PHF20L1: variants seen among roughly 807,000 people sequenced by gnomAD.
PHF20L1 encodes the protein PHD finger protein 20 like 1, also known as PHD finger protein 20-like protein 1.
Under a neutral mutation model 125.5 loss-of-function variants are expected in PHF20L1, and 44 were observed. The ratio of observed to expected loss-of-function variants is 0.35; its 90% CI spans 0.28 to 0.45. The LOEUF (loss-of-function observed/expected upper bound fraction) is 0.45, where lower values mean the gene tolerates loss of function less well. Among genes scored for constraint, PHF20L1 ranks in the 20% least tolerant of loss-of-function variants. The probability of loss-of-function intolerance (pLI) is 1.00; values close to 1 mark genes in which losing one functional copy is unlikely to be tolerated. For synonymous variants in PHF20L1, 380 were observed against 403.1 expected (o/e 0.94, Z 0.69); for missense variants, 1,012 against 1,217.2 (o/e 0.83, Z 2.51).
At chr8:132,832,794 G>T (rs535732957) in intron 15 of PHF20L1, among the ~76,000 whole-genome samples, 1 of 152,086 alleles carries the variant, frequency 6.6e-6, no homozygotes, top group Non-Finnish European at 1.5e-5. Flanking sequence ...TCTTAACTCC[G>T]TAGATAATGC....
chr8:132,825,476 C>CGTGTTG (rs1353670143), intron 14 of PHF20L1, 105 bp downstream of exon 14: 1 of 879,672 alleles, frequency 1.1e-6, no homozygotes, highest in East Asian at 2.8e-5. Flanking sequence ...CCCCGTGTCC[C>CGTGTTG]GTGTTGAGAA....
chr8:132,824,142 C>G, intron 13 of PHF20L1, 82 bp downstream of exon 13: 2 of 801,782 alleles, frequency 2.5e-6, no homozygotes, highest in Non-Finnish European at 4.1e-6. Context: ...TTACTCTTTA[C>G]CAGTTAATGC....
In PHF20L1 at chr8:132,845,971, A is replaced by G. The variant is rs1563863621; in HGVS notation, c.*48A>G. ...GAATGTGGCTTTCTTCAGTCAAAGC[A>G]TTTTTATTATCCACGTGATGGCTAA... On this transcript the variant is annotated 3_prime_UTR_variant, in exon 21 of 21. Coordinates refer to ENST00000395386, the MANE Select transcript of PHF20L1 (RefSeq NM_016018.5). 1.4e-6 allele frequency: 2 copies of G among 1,474,752 alleles called. No homozygotes were observed. Among genetic ancestry groups the G allele is most frequent in the East Asian group, 2.3e-5 (1 of 43,464 alleles). The allele number at this position is 1,474,752 out of a possible 1,614,324, so 91.4% of individuals were successfully genotyped here.
intron 12 of PHF20L1, chr8:132,817,841 C>T (rs1462741937): frequency 4.2e-6 from 1 of 236,946 alleles, no homozygotes; most frequent in Non-Finnish European, 8.2e-6. Context: ...ATTATTAGAG[C>T]CAAGTATAGT....
At chr8:132,839,249 A>G (rs1837682822) in intron 17 of PHF20L1, 138 bp from the exon 18 acceptor site, 13 of 663,826 alleles carry the variant, frequency 2.0e-5, no homozygotes, top group Non-Finnish European at 3.5e-5. Flanking sequence ...GTTCCTCAGA[A>G]CGCTGTCTTA....
At chr8:132,834,964 T>C (rs1440513898) in intron 15 of PHF20L1, among the ~76,000 whole-genome samples, 1 of 152,040 alleles carries the variant, frequency 6.6e-6, no homozygotes, top group Non-Finnish European at 1.5e-5. Flanking sequence ...TTCAAAAACA[T>C]TGAATGAAGA....
At chr8:132,792,938 A>C (rs968656679) in intron 2 of PHF20L1, among the ~76,000 whole-genome samples, 1 of 145,058 alleles carries the variant, frequency 6.9e-6, no homozygotes, top group African/African-American at 2.5e-5. Flanking sequence ...ATAATTCCCT[A>C]GCTTATTTGA....
At chr8:132,781,986 A>T (rs1176490441) in intron 2 of PHF20L1, among the ~76,000 whole-genome samples, 3 of 152,168 alleles carry the variant, frequency 2.0e-5, no homozygotes, top group African/African-American at 7.2e-5. Context: ...TTTTCTTTTA[A>T]CTTTTTCAAT....
intron 15 of PHF20L1, 27 bp from the exon 16 acceptor site, chr8:132,836,513 T>C (rs1310283900): frequency 6.9e-7 from 1 of 1,440,084 alleles, no homozygotes; most frequent in East Asian, 2.3e-5. Context: ...AAAGTTGTTC[T>C]AAGTATACTT....
chr8:132,842,615 A>C lies in PHF20L1; in HGVS notation c.2488A>C (p.Thr830Pro). Residue 830 changes from threonine to proline, a missense_variant, in exon 19 of 21, where the codon ACA becomes CCA. Physicochemically the swap from Thr to Pro is conservative, Grantham distance 38. Around this residue, in one of 7 missense-constraint regions of PHF20L1, gnomAD observed 277 missense variants for 283.6 expected, o/e 0.98. Coordinates refer to ENST00000395386, the MANE Select transcript of PHF20L1 (RefSeq NM_016018.5). ...AGVEKKIAQDTVNREEKKYVQ... is the reference protein window; with the variant it reads ...AGVEKKIAQDPVNREEKKYVQ... ...GGTGGAGAAAAAAATAGCTCAAGACACAGTTAATCGAGAAGAAAAGAAATA... is the reference window on the plus strand; with the variant it reads ...GGTGGAGAAAAAAATAGCTCAAGACCCAGTTAATCGAGAAGAAAAGAAATA... The C allele has an allele frequency of 6.2e-7, 1 of 1,613,274 alleles. No homozygotes were observed. The highest frequency in any genetic ancestry group is 8.5e-7 in the Non-Finnish European group (1 of 1,179,584).
At chr8:132,822,254 TC>T (rs36109624) in intron 12 of PHF20L1, among the ~76,000 whole-genome samples, 4 of 151,956 alleles carry the variant, frequency 2.6e-5, no homozygotes, top group Non-Finnish European at 4.4e-5. Context: ...TGTGTTAACT[TC>T]CGTGTTTCTG....
chr8:132,800,484 A>G (rs1396496848), intron 6 of PHF20L1, among the ~76,000 whole-genome samples: 2 of 148,160 alleles, frequency 1.3e-5, no homozygotes, highest in African/African-American at 4.8e-5. Flanking sequence ...ATGCCAAATC[A>G]GTTGTTATTT....
chr8:132,818,836 A>G (rs553525767), intron 12 of PHF20L1: 4 of 152,042 alleles, frequency 2.6e-5, no homozygotes, highest in Admixed American at 2.6e-4. Context: ...TATGAAAAAT[A>G]TGTTAAAGTT....
intron 10 of PHF20L1, chr8:132,816,420 T>C (rs1426290554): frequency 6.6e-6 from 1 of 152,300 alleles, no homozygotes. Context: ...TAGTGTAAAG[T>C]AAATCACTAA....
At position 132,775,470 on chromosome 8, in the gene PHF20L1, C is replaced by T. The variant is rs1337667840; in HGVS notation, c.-213C>T. The T allele has an allele frequency of 2.6e-6, 1 of 381,394 alleles. No homozygotes were observed. Among genetic ancestry groups the T allele is most frequent in the Non-Finnish European group, 4.6e-6 (1 of 215,834 alleles). The allele number at this position is 381,394 out of a possible 1,614,324, so 23.6% of individuals were successfully genotyped here. A position where few individuals can be genotyped will look rare whatever the true frequency, so the allele number is the denominator to read the frequency against. ...GAGCTTGAGGGCTCGGACCCAGCTCCCTCCCGCGAAACCTTGGGCGGATCC... is the reference window on the plus strand; with the variant it reads ...GAGCTTGAGGGCTCGGACCCAGCTCTCTCCCGCGAAACCTTGGGCGGATCC... On this transcript the variant is annotated 5_prime_UTR_variant, in exon 1 of 21. Transcript: ENST00000395386.
In PHF20L1 at chr8:132,845,932, A is replaced by G; in HGVS notation, c.*9A>G. On this transcript the variant is annotated 3_prime_UTR_variant, in exon 21 of 21. Transcript: ENST00000395386. ...CTCTTTGCTCTGTATGACAACAGTG[A>G]ACACTTAATGAAAGAATGTGGCTTT... 1 of 1,606,296 alleles carries G rather than the reference A, an allele frequency of 6.2e-7. No homozygotes were observed. Among genetic ancestry groups the G allele is most frequent in the Non-Finnish European group, 8.5e-7 (1 of 1,174,380 alleles).
In PHF20L1 at chr8:132,810,953, A is replaced by C. The variant is rs1265146519; in HGVS notation, c.848-93A>C. The C allele has an allele frequency of 5.1e-6, 4 of 786,288 alleles. No homozygotes were observed. The Admixed American group carries it at 5.4e-5, about 11-fold the overall frequency. 48.7% of individuals were successfully genotyped at this position (786,288 alleles called of 1,614,324 possible). A position where few individuals can be genotyped will look rare whatever the true frequency, so the allele number is the denominator to read the frequency against. On this transcript the variant is annotated intron_variant, in intron 8 of 20. Coordinates refer to ENST00000395386, the MANE Select transcript of PHF20L1 (RefSeq NM_016018.5). ...TTACTTCCTACGTATTAAAAAGTAT[A>C]GGAAATTTCAACTGCTAAGATTTTT...
At chr8:132,804,296 A>C (rs1041653376) in intron 7 of PHF20L1, among the ~76,000 whole-genome samples, 2 of 151,788 alleles carry the variant, frequency 1.3e-5, no homozygotes, top group African/African-American at 4.8e-5. Flanking sequence ...TCTTGATAGC[A>C]GGTTTTTGTT....
chr8:132,828,033 G>T (rs1283610657), intron 14 of PHF20L1, among the ~76,000 whole-genome samples: 1 of 151,982 alleles, frequency 6.6e-6, no homozygotes, highest in African/African-American at 2.4e-5. Flanking sequence ...TAGAAGAGTG[G>T]TCTTTAAGTG....
Sources: allele counts gnomAD v4.1 joint callset (sites outside exome capture counted in the v4.1 genomes callset), GRCh38; gene constraint gnomAD v4.1.1; regional missense constraint gnomAD v4.1.1; transcripts MANE v1.5; gene names NCBI Gene and HGNC (gene_info 2026-07-23, HGNC 2026-07-21).